Variants in DOLPP1 observed in about 807,000 individuals in gnomAD.
The protein encoded by DOLPP1 is dolichyl pyrophosphate phosphatase 1.
DOLPP1 carries 15 observed loss-of-function variants against 34.1 expected under a neutral mutation model. The observed-to-expected ratio is 0.44, with a 90% confidence interval of 0.29 to 0.68. DOLPP1 has a LOEUF of 0.68. Ranked by LOEUF, DOLPP1 falls within the 30% of genes least tolerant of loss-of-function variation. DOLPP1 has a pLI of 0.12. For synonymous variants in DOLPP1, 130 were observed against 128.2 expected (o/e 1.01, Z -0.10); for missense variants, 249 against 307.1 (o/e 0.81, Z 1.41).
At chr9:129,084,071 C>T (rs976424007) in intron 1 of DOLPP1, among the ~76,000 whole-genome samples, 3 of 152,230 alleles carry the variant, frequency 2.0e-5, no homozygotes, top group Admixed American at 6.5e-5. Context: ...CAGCTGTTAC[C>T]GTCGCCCTAT....
rs200613289 is a variant in DOLPP1, at chr9:129,084,793, C to T, written c.177+25C>T. On this transcript the variant is annotated intron_variant, in intron 2 of 7. Transcript: ENST00000372546. The stretch of plus-strand genomic sequence containing the variant: ...GGTGAGTCTGTCTTGCCCACACCCT[C>T]CCCACCCCACCCCCAGTGCCCCCAC... 4.7e-3 allele frequency: 6,141 copies of T among 1,307,070 alleles called. 18 individuals are homozygous for T. Among genetic ancestry groups the T allele is most frequent in the Middle Eastern group, 0.035 (127 of 3,580 alleles). The allele number at this position is 1,307,070 out of a possible 1,614,324, so 81.0% of individuals were successfully genotyped here.
At chr9:129,082,385 C>G (rs561667218) in intron 1 of DOLPP1, among the ~76,000 whole-genome samples, 47 of 152,370 alleles carry the variant, frequency 3.1e-4, no homozygotes, top group African/African-American at 1.1e-3. Flanking sequence ...CTGAACACTT[C>G]TGAGTGCTAG....
At chr9:129,081,320 T>C in intron 1 of DOLPP1, 113 bp downstream of exon 1, 1 of 1,315,376 alleles carries the variant, frequency 7.6e-7, no homozygotes, top group Non-Finnish European at 1.0e-6. Context: ...GGGTGGGAAC[T>C]GTCAAATAGT....
rs1435228286 is a variant in DOLPP1 at position 129,085,002 on chromosome 9, A to T, written c.178-21A>T. The T allele has an allele frequency of 6.4e-7, 1 of 1,551,688 alleles. No homozygotes were observed. Among genetic ancestry groups the T allele is most frequent in the Non-Finnish European group, 8.7e-7 (1 of 1,149,720 alleles). ...CAACAGGTGCACAGAGGCCCAGCTG[A>T]CCATGCGTCTTCCCCAGCAGATCTC... On this transcript the variant is annotated intron_variant, in intron 2 of 7. Coordinates refer to ENST00000372546, the MANE Select transcript of DOLPP1 (RefSeq NM_020438.5). This position sits in a 1 kb window ranked among gnomAD's most constrained non-coding sequence, Gnocchi z 7.0.
At position 129,086,051 on chromosome 9, in the gene DOLPP1, C is replaced by T. The variant is rs530215853; in HGVS notation, c.462-88C>T. On this transcript the variant is annotated intron_variant, in intron 5 of 7. Transcript: ENST00000372546. ...TGTCTCCACATGTGTGGGCACAGGTCCCTGGGAAGCTGGCACATGGGCAGT... is the reference window on the plus strand; with the variant it reads ...TGTCTCCACATGTGTGGGCACAGGTTCCTGGGAAGCTGGCACATGGGCAGT... 1.7e-5 allele frequency: 22 copies of T among 1,331,740 alleles called. No homozygotes were observed. In the Admixed American group the frequency reaches 3.8e-4, roughly 23 times the overall value. The allele number at this position is 1,331,740 out of a possible 1,614,324, so 82.5% of individuals were successfully genotyped here.
chr9:129,082,629 G>C (rs1263114176), intron 1 of DOLPP1, among the ~76,000 whole-genome samples: 1 of 152,200 alleles, frequency 6.6e-6, no homozygotes, highest in Non-Finnish European at 1.5e-5. Flanking sequence ...TGTGCAGCAT[G>C]ATACAGGCTG....
chr9:129,088,173 AGG>A (rs1564150340), intron 7 of DOLPP1, among the ~76,000 whole-genome samples: 1 of 3,790 alleles, frequency 2.6e-4, no homozygotes, highest in East Asian at 6.9e-3. Flanking sequence ...TGGGGAGGGT[AGG>A]GGGGTGGGAG....
Position 129,085,058 on chromosome 9 carries a change from G to A in DOLPP1, c.213G>A (p.Gly71=), listed in dbSNP as rs755073143. The change falls in exon 3 of 8, where the codon GGG becomes GGA. Residue 71 remains glycine, a synonymous_variant. Coordinates refer to ENST00000372546, the MANE Select transcript of DOLPP1 (RefSeq NM_020438.5). The surrounding 1 kb of genome is among the most constrained non-coding windows in gnomAD (Gnocchi z 7.0). ...SFLGGLALNE[G]VNWLIKNVIQ... ...TTGGGGGCCTGGCACTGAACGAGGG[G>A]GTCAACTGGCTGATCAAAAACGTCA... is the stretch of plus-strand genomic sequence containing the variant. 2 of 1,588,040 alleles carry A rather than the reference G, an allele frequency of 1.3e-6. No individual in the cohort carries two copies. The highest frequency in any genetic ancestry group is 1.7e-6 in the Non-Finnish European group (2 of 1,167,254).
At position 129,089,015 on chromosome 9, in the gene DOLPP1, G is replaced by C. The variant is rs1226536419; in HGVS notation, c.*8G>C. The C allele has an allele frequency of 6.2e-7, 1 of 1,613,764 alleles. No individual in the cohort carries two copies. The highest frequency in any genetic ancestry group is 8.5e-7 in the Non-Finnish European group (1 of 1,179,962). ...GGGACGAAACTGCAGTGACCAGTGG[G>C]TGTGGCTGGGTCCAGCCTCCAGATC... On this transcript the variant is annotated 3_prime_UTR_variant, in exon 8 of 8. Transcript: ENST00000372546. This position sits in a 1 kb window ranked among gnomAD's most constrained non-coding sequence, Gnocchi z 4.9.
rs537022347 is a variant in DOLPP1, at chr9:129,088,848, T to G, written c.681-123T>G. 4.3e-6 allele frequency: 4 copies of G among 936,420 alleles called. No homozygotes were observed. The East Asian group carries it at 7.6e-5, about 18-fold the overall frequency. The allele number at this position is 936,420 out of a possible 1,614,324, so 58.0% of individuals were successfully genotyped here. A position where few individuals can be genotyped will look rare whatever the true frequency, so the allele number is the denominator to read the frequency against. ...GGTGCTCTGATTGGCCCAGTTCAGG[T>G]CAATCGCTGGCTACTGGGTGTGGGC... On this transcript the variant is annotated intron_variant, in intron 7 of 7. Coordinates refer to ENST00000372546, the MANE Select transcript of DOLPP1 (RefSeq NM_020438.5).
In DOLPP1 at chr9:129,084,774, T is replaced by C; in HGVS notation, c.177+6T>C. ...TTAAGCGGGAGCTGCACACGGTGAGTCTGTCTTGCCCACACCCTCCCCACC... is the reference window on the plus strand; with the variant it reads ...TTAAGCGGGAGCTGCACACGGTGAGCCTGTCTTGCCCACACCCTCCCCACC... On this transcript the variant is annotated splice_donor_region_variant and intron_variant, in intron 2 of 7. Coordinates refer to ENST00000372546, the MANE Select transcript of DOLPP1 (RefSeq NM_020438.5). 1.2e-6 allele frequency: 2 copies of C among 1,604,068 alleles called. No homozygotes were observed. Among genetic ancestry groups the C allele is most frequent in the Non-Finnish European group, 1.7e-6 (2 of 1,171,702 alleles).
chr9:129,085,119 G>A lies in DOLPP1; in HGVS notation c.262+12G>A. On this transcript the variant is annotated intron_variant, in intron 3 of 7. Transcript: ENST00000372546. The surrounding 1 kb of genome is among the most constrained non-coding windows in gnomAD (Gnocchi z 7.0). ...ACGGCCCTGTGGAGGTAGGGCCTCA[G>A]CTGCGAGGGCCTGAGGTTCCCCCAG... 2 of 1,603,076 alleles carry A rather than the reference G, an allele frequency of 1.2e-6. No individual in the cohort carries two copies. The highest frequency in any genetic ancestry group is 1.7e-6 in the Non-Finnish European group (2 of 1,174,346).
chr9:129,083,309 C>T (rs1251350914), intron 1 of DOLPP1, among the ~76,000 whole-genome samples: 1 of 152,174 alleles, frequency 6.6e-6, no homozygotes, highest in Non-Finnish European at 1.5e-5. Flanking sequence ...TTGGGGGTAC[C>T]AGTCACTCAC....
Position 129,085,700 on chromosome 9 carries a change from A to G in DOLPP1, c.461+84A>G, listed in dbSNP as rs913754104. 2 of 1,105,502 alleles carry G rather than the reference A, an allele frequency of 1.8e-6. No individual in the cohort carries two copies. Among genetic ancestry groups the G allele is most frequent in the African/African-American group, 1.6e-5 (1 of 63,504 alleles). The allele number at this position is 1,105,502 out of a possible 1,614,324, so 68.5% of individuals were successfully genotyped here. A position where few individuals can be genotyped will look rare whatever the true frequency, so the allele number is the denominator to read the frequency against. On this transcript the variant is annotated intron_variant, in intron 5 of 7. Coordinates refer to ENST00000372546, the MANE Select transcript of DOLPP1 (RefSeq NM_020438.5). This position sits in a 1 kb window ranked among gnomAD's most constrained non-coding sequence, Gnocchi z 7.0. ...TGGTCCCTGTCGGACCCCACCATGG[A>G]CCCTAGTCCCAGAACCTGTAGTGCA...
chr9:129,085,073 CA>C lies in DOLPP1; in HGVS notation c.233del (p.Asn78ThrfsTer43). On this transcript the variant is annotated frameshift_variant, in exon 3 of 8. Coordinates refer to ENST00000372546, the MANE Select transcript of DOLPP1 (RefSeq NM_020438.5). LOFTEE classifies it high-confidence loss of function. The surrounding 1 kb of genome is among the most constrained non-coding windows in gnomAD (Gnocchi z 7.0). Reference protein sequence around the residue: ...ALNEGVNWLIKNVIQEPRPCG... With the variant: ...ALNEGVNWLIXNVIQEPRPCG... The stretch of plus-strand genomic sequence containing the variant: ...TGAACGAGGGGGTCAACTGGCTGAT[CA>C]AAAACGTCATCCAGGAGCCACGGCC... The C allele has an allele frequency of 6.3e-7, 1 of 1,591,152 alleles. No individual in the cohort carries two copies. Among genetic ancestry groups the C allele is most frequent in the Non-Finnish European group, 8.6e-7 (1 of 1,168,648 alleles).
chr9:129,081,572 T>G (rs1325329255), intron 1 of DOLPP1, among the ~76,000 whole-genome samples: 1 of 152,202 alleles, frequency 6.6e-6, no homozygotes, highest in Non-Finnish European at 1.5e-5. Flanking sequence ...GAGGCCGCAC[T>G]CCTGTTCCAG....
In DOLPP1 at chr9:129,085,500, G is replaced by A; in HGVS notation, c.363-18G>A. The A allele has an allele frequency of 1.9e-6, 3 of 1,611,986 alleles. No homozygotes were observed. Among genetic ancestry groups the A allele is most frequent in the Non-Finnish European group, 1.7e-6 (2 of 1,178,792 alleles). On this transcript the variant is annotated intron_variant, in intron 4 of 7. Coordinates refer to ENST00000372546, the MANE Select transcript of DOLPP1 (RefSeq NM_020438.5). The surrounding 1 kb of genome is among the most constrained non-coding windows in gnomAD (Gnocchi z 7.0). The stretch of plus-strand genomic sequence containing the variant: ...CTGGGCTGTGGGCTGAGGTCATCTG[G>A]TGGGCCTGTTTTCGCAGAATGCACC...
intron 7 of DOLPP1, among the ~76,000 whole-genome samples, chr9:129,087,685 A>G (rs559161725): frequency 2.3e-3 from 322 of 140,024 alleles, no homozygotes; most frequent in African/African-American, 7.9e-3. Flanking sequence ...GTTTCTAGGC[A>G]GGCTGAGAGG....
At chr9:129,087,425 C>T (rs1420560030) in intron 7 of DOLPP1, among the ~76,000 whole-genome samples, 3 of 151,510 alleles carry the variant, frequency 2.0e-5, no homozygotes, top group East Asian at 3.9e-4. Context: ...ACACCATTCT[C>T]CTGCCTCAGC....
Sources: allele counts gnomAD v4.1 joint callset (sites outside exome capture counted in the v4.1 genomes callset), GRCh38; gene constraint gnomAD v4.1.1; non-coding constraint Gnocchi (gnomAD v3.1); transcripts MANE v1.5; gene names NCBI Gene and HGNC (gene_info 2026-07-23, HGNC 2026-07-21).